LARGE1: variants seen among roughly 807,000 people sequenced by gnomAD.
The protein encoded by LARGE1 is xylosyl- and glucuronyltransferase LARGE1.
LARGE1 carries 43 observed loss-of-function variants against 87.6 expected under a neutral mutation model. The ratio of observed to expected loss-of-function variants is 0.49; its 90% confidence interval spans 0.38 to 0.63. The LOEUF is 0.63. LARGE1 is among the 30% of genes least tolerant of loss of function. The probability of loss-of-function intolerance (pLI) is 0.00; values close to 1 mark genes in which losing one functional copy is unlikely to be tolerated. For missense variants in LARGE1, 802 were observed against 1,000.2 expected, an observed-to-expected ratio of 0.80 and a Z score of 2.67; for synonymous variants, 434 against 394.6, an observed-to-expected ratio of 1.10 and a Z score of -1.18.
At chr22:33,414,002 G>A (rs2066400987) in intron 7 of LARGE1, among the ~76,000 whole-genome samples, 1 of 152,158 alleles carries the variant, frequency 6.6e-6, no homozygotes, top group Non-Finnish European at 1.5e-5. Flanking sequence ...GAATAAACAT[G>A]GGGGTACAGA....
At chr22:33,141,876 T>A in the LARGE1 span, among the ~76,000 whole-genome samples, 1 of 152,200 alleles carries the variant, frequency 6.6e-6, no homozygotes, top group Non-Finnish European at 1.5e-5. Flanking sequence ...TGCAAAAGGG[T>A]CACACTTTCC....
intron 5 of LARGE1, among the ~76,000 whole-genome samples, chr22:33,580,335 A>C (rs896582122): frequency 4.0e-5 from 6 of 150,682 alleles, no homozygotes; most frequent in African/African-American, 1.2e-4. Flanking sequence ...GCACCACTGC[A>C]CTCCAGCCTA....
chr22:33,900,074 T>C (rs2065244060), intron 1 of LARGE1, among the ~76,000 whole-genome samples: 1 of 152,180 alleles, frequency 6.6e-6, no homozygotes, highest in South Asian at 2.1e-4. Flanking sequence ...CTGTTGAATA[T>C]CAAAATACAG....
At chr22:33,171,220 T>A (rs1202790442) in intron 11 of LARGE1, among the ~76,000 whole-genome samples, 1 of 152,176 alleles carries the variant, frequency 6.6e-6, no homozygotes, top group Non-Finnish European at 1.5e-5. Context: ...AAGCATTCAG[T>A]CATATGGGTT....
intron 11 of LARGE1, among the ~76,000 whole-genome samples, chr22:33,183,638 A>G (rs55642062): frequency 1.2e-4 from 13 of 109,014 alleles, no homozygotes; most frequent in South Asian, 3.0e-4. Context: ...ACACACACAC[A>G]CACACACACA....
intron 2 of LARGE1, among the ~76,000 whole-genome samples, chr22:33,721,501 A>T (rs2012111): frequency 0.013 from 2,047 of 152,322 alleles, 31 homozygotes; most frequent in South Asian, 0.043. Flanking sequence ...TGAAATAGGG[A>T]AAGGCAAAGA....
chr22:33,603,948 C>T (rs552686140), intron 5 of LARGE1, among the ~76,000 whole-genome samples: 1 of 152,328 alleles, frequency 6.6e-6, no homozygotes, highest in Admixed American at 6.5e-5. Context: ...TATATTCTCT[C>T]ATTTGAGCCT....
chr22:33,174,160 T>A (rs1922733222), intron 11 of LARGE1, among the ~76,000 whole-genome samples: 1 of 152,148 alleles, frequency 6.6e-6, no homozygotes, highest in African/African-American at 2.4e-5. Flanking sequence ...CACAGTGCAA[T>A]CAAATTAGAA....
At chr22:33,180,726 A>G (rs1923116293) in intron 11 of LARGE1, among the ~76,000 whole-genome samples, 1 of 152,170 alleles carries the variant, frequency 6.6e-6, no homozygotes, top group African/African-American at 2.4e-5. Context: ...CTCACAACAG[A>G]ATGTTATTTG....
At chr22:33,090,400 A>T in the LARGE1 span, among the ~76,000 whole-genome samples, 1 of 152,154 alleles carries the variant, frequency 6.6e-6, no homozygotes, top group East Asian at 1.9e-4. Flanking sequence ...GGATTGGGTA[A>T]TAATTTAAAC....
At chr22:33,508,162 C>T (rs957329985) in intron 6 of LARGE1, among the ~76,000 whole-genome samples, 4 of 152,204 alleles carry the variant, frequency 2.6e-5, no homozygotes, top group Non-Finnish European at 5.9e-5. Context: ...ACAGAATCTA[C>T]ACCGAACAAC....
rs561056238 is a variant in LARGE1, at chr22:33,807,990, G to A, written c.-82-46432C>T. Reference sequence around the variant, plus strand: ...CCTATGTGAAGGTTTCTGTGTGGACGTAAGTTTTCAGCTCCTTTGGGTAAA... The same window carrying A: ...CCTATGTGAAGGTTTCTGTGTGGACATAAGTTTTCAGCTCCTTTGGGTAAA... On this transcript the variant is annotated intron_variant, in intron 1 of 14. Coordinates refer to ENST00000397394, the MANE Select transcript of LARGE1 (RefSeq NM_133642.5). Among the ~76,000 whole-genome samples the A allele has an allele frequency of 1.4e-4, 21 of 152,320 alleles. 1 individual carries two copies. In the South Asian group the frequency reaches 3.9e-3, roughly 29 times the overall value.
rs551602448 is a variant in LARGE1 at position 33,590,867 on chromosome 22, T to C, written c.615+13568A>G. Among the ~76,000 whole-genome samples, 4 of 152,198 alleles carry C rather than the reference T, an allele frequency of 2.6e-5. No individual in the cohort carries two copies. In the South Asian group the frequency reaches 8.3e-4, roughly 32 times the overall value. ...TTTCTCTTGGTTGAACACCTAGGAG[T>C]GGAACCACTAGGTCATATTGTGAGT... On this transcript the variant is annotated intron_variant, in intron 5 of 14. Transcript: ENST00000397394.
At chr22:33,368,349 C>A (rs2146969595) in intron 9 of LARGE1, among the ~76,000 whole-genome samples, 1 of 152,164 alleles carries the variant, frequency 6.6e-6, no homozygotes, top group African/African-American at 2.4e-5. Flanking sequence ...GCCTGGCCAA[C>A]ATGGCGAAAC....
At chr22:33,421,612 T>C (rs1174667449) in intron 7 of LARGE1, among the ~76,000 whole-genome samples, 2 of 152,242 alleles carry the variant, frequency 1.3e-5, no homozygotes, top group Non-Finnish European at 2.9e-5. Flanking sequence ...ATTTACTATG[T>C]GCTAAACCTT....
intron 6 of LARGE1, among the ~76,000 whole-genome samples, chr22:33,483,749 G>C (rs2069438844): frequency 1.3e-5 from 2 of 152,278 alleles, no homozygotes; most frequent in South Asian, 4.1e-4. Context: ...TTAAACTGAT[G>C]GAGGCAGGAA....
At chr22:33,649,346 C>A (rs1041184467) in intron 3 of LARGE1, among the ~76,000 whole-genome samples, 5 of 152,164 alleles carry the variant, frequency 3.3e-5, no homozygotes, top group African/African-American at 1.2e-4. Flanking sequence ...CTACAGTTTG[C>A]AAAGCATTCT....
intron 2 of LARGE1, among the ~76,000 whole-genome samples, chr22:33,652,602 C>T (rs1297085756): frequency 6.6e-6 from 1 of 152,148 alleles, no homozygotes; most frequent in Non-Finnish European, 1.5e-5. Flanking sequence ...CGTCCTCTCT[C>T]AGCTGCCTGT....
At chr22:33,719,523 A>T (rs2083018909) in intron 2 of LARGE1, among the ~76,000 whole-genome samples, 2 of 150,532 alleles carry the variant, frequency 1.3e-5, no homozygotes, top group South Asian at 4.2e-4. Context: ...TTATTTATTT[A>T]TTTATTTATT....
Sources: gnomAD v4.1 joint callset for allele counts (sites outside exome capture counted in the v4.1 genomes callset) on GRCh38, gnomAD v4.1.1 for gene constraint, MANE v1.5 for transcripts, NCBI Gene and HGNC (gene_info 2026-07-23, HGNC 2026-07-21) for gene names.